The following PASD1 variants were observed in gnomAD, a reference collection of about 807,000 sequenced individuals.
PASD1 encodes circadian clock protein PASD1.
PASD1 carries 13 observed loss-of-function variants against 58.8 expected under a neutral mutation model. The ratio of observed to expected loss-of-function variants is 0.22; its 90% CI spans 0.14 to 0.35. The LOEUF (loss-of-function observed/expected upper bound fraction) is 0.35. Ranked by LOEUF, PASD1 falls within the 10% of genes least tolerant of loss-of-function variation. PASD1 has a pLI of 1.00. For synonymous variants in PASD1, 236 were observed against 216.7 expected, an observed-to-expected ratio of 1.09 and a Z score of -0.78; for missense variants, 734 against 568.3, an observed-to-expected ratio of 1.29 and a Z score of -2.96.
intron 4 of PASD1, 80 bp from the exon 5 acceptor site, chrX:151,620,850 T>C: frequency 1.7e-6 from 1 of 597,589 alleles, no homozygotes; most frequent in Non-Finnish European, 2.7e-6. Flanking sequence ...AACTGAACAG[T>C]ATTAACACAG....
chrX:151,588,214 C>T (rs1325006116), intron 1 of PASD1, among the ~76,000 whole-genome samples: 3 of 111,957 alleles, frequency 2.7e-5, no homozygotes, highest in African/African-American at 6.5e-5. Context: ...AGAGTGTGTA[C>T]GTGTCTCTCT....
At chrX:151,645,636 A>T (rs993848475) in intron 8 of PASD1, 3 of 112,062 alleles carry the variant, frequency 2.7e-5, no homozygotes, top group African/African-American at 9.7e-5. Context: ...ATTTTTACGT[A>T]ACTACAACTG....
chrX:151,632,243 T>A (rs1010202634), intron 8 of PASD1, among the ~76,000 whole-genome samples: 1 of 111,035 alleles, frequency 9.0e-6, no homozygotes, highest in Non-Finnish European at 1.9e-5. Context: ...TCCCTGTGGT[T>A]CCTTTGTGGC....
intron 1 of PASD1, among the ~76,000 whole-genome samples, chrX:151,596,580 A>G (rs1047225298): frequency 8.9e-6 from 1 of 112,488 alleles, no homozygotes; most frequent in African/African-American, 3.2e-5. Context: ...TTTTGTTGCT[A>G]TTGTATGTTT....
chrX:151,640,099 A>G (rs974475855), intron 8 of PASD1, among the ~76,000 whole-genome samples: 1 of 112,149 alleles, frequency 8.9e-6, no homozygotes, highest in African/African-American at 3.2e-5. Flanking sequence ...ATGTTACCTT[A>G]GAGGGATGAC....
chrX:151,611,662 A>C lies in PASD1; in HGVS notation c.118-2A>C, dbSNP rs973224430. Reference sequence around the variant, plus strand: ...ATTACATTATTATTCTCTCGTCATTAGTTATTAGATGGCTTTATGATTACA... The same window carrying C: ...ATTACATTATTATTCTCTCGTCATTCGTTATTAGATGGCTTTATGATTACA... On this transcript the variant is annotated splice_acceptor_variant, in intron 3 of 15. Coordinates refer to ENST00000370357, the MANE Select transcript of PASD1 (RefSeq NM_173493.3). LOFTEE classifies it high-confidence loss of function. 1 of 1,157,501 alleles carries C rather than the reference A, an allele frequency of 8.6e-7. No individual in the cohort carries two copies. The highest frequency in any genetic ancestry group is 1.8e-5 in the African/African-American group (1 of 55,501).
Position 151,594,240 on chromosome X carries a change from T to A in PASD1, c.-27-7287T>A, listed in dbSNP as rs186302365. Among the ~76,000 whole-genome samples the A allele has an allele frequency of 6.6e-3, 734 of 111,834 alleles. 3 individuals are homozygous for A. The highest frequency in any genetic ancestry group is 0.01 in the South Asian group (27 of 2,644). ...CACCCACCTCAGCCTCCCAAAGTGC[T>A]AGGATTACAGGCGTGAGCCACCGTG... On this transcript the variant is annotated intron_variant, in intron 1 of 15. Transcript: ENST00000370357.
intron 9 of PASD1, among the ~76,000 whole-genome samples, chrX:151,648,929 T>A (rs1330078133): frequency 1.8e-5 from 2 of 111,767 alleles, no homozygotes; most frequent in East Asian, 5.6e-4. Flanking sequence ...GTATCCCAGA[T>A]GTTGTTCAGG....
chrX:151,613,569 A>G (rs56161431), intron 4 of PASD1, among the ~76,000 whole-genome samples: 40,562 of 109,181 alleles, frequency 0.37, 5,799 homozygotes, highest in African/African-American at 0.4. Flanking sequence ...TATTTTATTC[A>G]CTTTGAAGCA....
intron 11 of PASD1, among the ~76,000 whole-genome samples, chrX:151,666,800 T>G: frequency 9.5e-6 from 1 of 105,244 alleles, no homozygotes. Flanking sequence ...GACATTTGGG[T>G]TGGTTCCTAG....
At chrX:151,564,191 C>T (rs1228068048) in intron 1 of PASD1, among the ~76,000 whole-genome samples, 3 of 112,976 alleles carry the variant, frequency 2.7e-5, no homozygotes, top group African/African-American at 6.4e-5. Context: ...CTTGCGGTGT[C>T]GCGAATAGGC....
chrX:151,612,049 A>G (rs1472861085), intron 4 of PASD1, among the ~76,000 whole-genome samples: 1 of 90,990 alleles, frequency 1.1e-5, no homozygotes, highest in Non-Finnish European at 2.1e-5. Context: ...ATTCCCACCT[A>G]TGAGTGAGAA....
chrX:151,569,167 G>T (rs968536116), intron 1 of PASD1, among the ~76,000 whole-genome samples: 9 of 112,267 alleles, frequency 8.0e-5, no homozygotes, highest in Middle Eastern at 9.2e-3. Flanking sequence ...TGAACTTGTA[G>T]GTTAATAGTT....
At chrX:151,577,625 A>G (rs1168487757) in intron 1 of PASD1, among the ~76,000 whole-genome samples, 1 of 111,770 alleles carries the variant, frequency 8.9e-6, no homozygotes, top group Non-Finnish European at 1.9e-5. Context: ...CCCGGGTTCA[A>G]GTGATTCTCC....
At chrX:151,569,941 A>G (rs2012902710) in intron 1 of PASD1, among the ~76,000 whole-genome samples, 1 of 110,591 alleles carries the variant, frequency 9.0e-6, no homozygotes, top group Non-Finnish European at 1.9e-5. Context: ...ATATTTTTTG[A>G]CCTTTTATGT....
rs2014092278 is a variant in PASD1 at position 151,648,655 on chromosome X, G to A, written c.670G>A (p.Val224Met). 4.1e-6 allele frequency: 5 copies of A among 1,211,281 alleles called. No homozygotes were observed. The highest frequency in any genetic ancestry group is 5.6e-6 in the Non-Finnish European group (5 of 895,285). Residue 224 changes from valine to methionine, a missense_variant, in exon 9 of 16, where the codon GTG (valine) becomes ATG (methionine). Coordinates refer to ENST00000370357, the MANE Select transcript of PASD1 (RefSeq NM_173493.3). ...GQRGHTSMKA[V>M]YVEPAAAAAA... ...AAGAGGACACACTAGCATGAAAGCCGTGTACGTTGAACCCGCTGCTGCTGC... is the reference window on the plus strand; with the variant it reads ...AAGAGGACACACTAGCATGAAAGCCATGTACGTTGAACCCGCTGCTGCTGC...
intron 2 of PASD1, among the ~76,000 whole-genome samples, chrX:151,604,285 G>A (rs1372657069): frequency 8.9e-6 from 1 of 111,898 alleles, no homozygotes; most frequent in Non-Finnish European, 1.9e-5. Context: ...GGCTTTGGGA[G>A]TCTGGATCTG....
In PASD1 at chrX:151,676,075, C is replaced by G. The variant is rs761980597; in HGVS notation, c.2254C>G (p.Gln752Glu). Residue 752 changes from glutamine (Q) to glutamate (E), a missense_variant, in exon 16 of 16, where the codon CAG becomes GAG. Physicochemically the swap from Gln to Glu is conservative, Grantham distance 29 (BLOSUM62 2). Coordinates refer to ENST00000370357, the MANE Select transcript of PASD1 (RefSeq NM_173493.3). ...AGGCCCTGCTGCATACCAGCCAGAC[C>G]AGATGAGATCTGCGGAGCAGACCAG... ...FQGPAAYQPD[Q>E]MRSAEQTRLM... is the part of the protein sequence containing the mutation. The G allele has an allele frequency of 8.3e-7, 1 of 1,211,112 alleles. No homozygotes were observed. The highest frequency in any genetic ancestry group is 1.1e-6 in the Non-Finnish European group (1 of 895,099).
In PASD1 at chrX:151,611,452, C is replaced by A. The variant is rs192011227; in HGVS notation, c.118-212C>A. Among the ~76,000 whole-genome samples the A allele has an allele frequency of 1.3e-4, 15 of 112,062 alleles. No homozygotes were observed. In the East Asian group the frequency reaches 4.2e-3, roughly 32 times the overall value. The stretch of plus-strand genomic sequence containing the variant: ...ATTGAAATTTGTTTAAGTGACACAT[C>A]ATTTGATAAACATTTCATGCTTAAG... On this transcript the variant is annotated intron_variant, in intron 3 of 15. Transcript: ENST00000370357.
Sources: gnomAD v4.1 joint callset for allele counts (sites outside exome capture counted in the v4.1 genomes callset) on GRCh38, gnomAD v4.1.1 for gene constraint, MANE v1.5 for transcripts, NCBI Gene and HGNC (gene_info 2026-07-23, HGNC 2026-07-21) for gene names.